CCDC91: variants seen among roughly 807,000 people sequenced by gnomAD.
CCDC91 encodes the protein coiled-coil domain-containing protein 91.
CCDC91 carries 48 observed loss-of-function variants against 63.2 expected under a neutral mutation model. The observed-to-expected ratio is 0.76, with a 90% CI of 0.60 to 0.97. The LOEUF is 0.97. Among genes scored for constraint, CCDC91 ranks in the 50% least tolerant of loss-of-function variants. CCDC91 has a pLI of 0.00. For missense variants in CCDC91, 500 were observed against 494.6 expected (o/e 1.01, Z -0.10); for synonymous variants, 167 against 165.8 (o/e 1.01, Z -0.06).
intron 6 of CCDC91, among the ~76,000 whole-genome samples, chr12:28,323,254 C>T (rs935295654): frequency 3.3e-5 from 5 of 151,402 alleles, no homozygotes; most frequent in East Asian, 3.9e-4. Flanking sequence ...TGTTCAATTC[C>T]GGTCATTTTG....
chr12:28,283,170 T>C (rs1464136828), intron 3 of CCDC91, among the ~76,000 whole-genome samples: 2 of 151,950 alleles, frequency 1.3e-5, no homozygotes, highest in East Asian at 3.9e-4. Flanking sequence ...CCCTTTTGCT[T>C]AGGATTTGTT....
chr12:28,446,063 G>A (rs1285434611), intron 8 of CCDC91, among the ~76,000 whole-genome samples: 1 of 152,104 alleles, frequency 6.6e-6, no homozygotes, highest in East Asian at 1.9e-4. Flanking sequence ...GCAAGGCATG[G>A]GACTAAAAAC....
At chr12:28,308,787 T>C (rs1384884438) in intron 6 of CCDC91, among the ~76,000 whole-genome samples, 2 of 152,050 alleles carry the variant, frequency 1.3e-5, no homozygotes, top group Non-Finnish European at 2.9e-5. Flanking sequence ...CTTTTACATT[T>C]GACAAATTAT....
chr12:28,503,109 T>C (rs922946284), intron 12 of CCDC91, among the ~76,000 whole-genome samples: 1 of 152,140 alleles, frequency 6.6e-6, no homozygotes, highest in African/African-American at 2.4e-5. Flanking sequence ...AAAGAGCTTC[T>C]GCACAGCAAA....
At chr12:28,353,198 C>T (rs993458970) in intron 6 of CCDC91, among the ~76,000 whole-genome samples, 2 of 152,326 alleles carry the variant, frequency 1.3e-5, no homozygotes, top group Non-Finnish European at 2.9e-5. Context: ...CTTTCTCAGC[C>T]TTCACAGAAT....
At chr12:28,204,792 A>C (rs1042200781) in intron 1 of CCDC91, among the ~76,000 whole-genome samples, 4 of 152,328 alleles carry the variant, frequency 2.6e-5, no homozygotes, top group Admixed American at 2.0e-4. Context: ...GGTTTCTAGA[A>C]GTACAGCTAA....
At chr12:28,342,626 AAG>A (rs546607094) in intron 6 of CCDC91, among the ~76,000 whole-genome samples, 19 of 152,134 alleles carry the variant, frequency 1.2e-4, no homozygotes, top group Non-Finnish European at 2.4e-4. Flanking sequence ...GACCAAGTGA[AAG>A]AGAGGCCTTG....
chr12:28,478,307 G>T (rs887033790), intron 11 of CCDC91, among the ~76,000 whole-genome samples: 1 of 151,830 alleles, frequency 6.6e-6, no homozygotes, highest in Non-Finnish European at 1.5e-5. Flanking sequence ...AAATAATGCC[G>T]CATATCTACA....
chr12:28,449,858 C>T (rs1949713973), intron 8 of CCDC91, among the ~76,000 whole-genome samples: 2 of 151,630 alleles, frequency 1.3e-5, no homozygotes, highest in African/African-American at 2.4e-5. Flanking sequence ...AGTAATTTTT[C>T]GAAATTTAAT....
chr12:28,304,686 G>T, intron 3 of CCDC91: 1 of 1,260,818 alleles, frequency 7.9e-7, no homozygotes, highest in Non-Finnish European at 1.0e-6. Context: ...CTTCACTGAA[G>T]TTGCTGATGC....
At chr12:28,479,793 C>G (rs753622746) in intron 11 of CCDC91, among the ~76,000 whole-genome samples, 1 of 151,598 alleles carries the variant, frequency 6.6e-6, no homozygotes, top group Non-Finnish European at 1.5e-5. Flanking sequence ...CTATCCTTTT[C>G]TTTGTTTAGA....
chr12:28,283,189 CT>C (rs1022930156), intron 3 of CCDC91, among the ~76,000 whole-genome samples: 5 of 139,956 alleles, frequency 3.6e-5, no homozygotes, highest in Admixed American at 7.1e-5. Flanking sequence ...TTTCTTTGAG[CT>C]TTTTTTTTGG....
intron 6 of CCDC91, among the ~76,000 whole-genome samples, chr12:28,361,124 T>C (rs1233020709): frequency 6.6e-6 from 1 of 151,666 alleles, no homozygotes; most frequent in Admixed American, 6.6e-5. Context: ...ATGTTGGAAG[T>C]TTTGTGGGTT....
chr12:28,226,021 T>G (rs1944250929), intron 1 of CCDC91: 2 of 152,236 alleles, frequency 1.3e-5, no homozygotes, highest in Non-Finnish European at 2.9e-5. Flanking sequence ...TTTCTGAAGC[T>G]CTGACTTGCA....
chr12:28,501,617 TA>T (rs1937885139), intron 12 of CCDC91, among the ~76,000 whole-genome samples: 1 of 151,032 alleles, frequency 6.6e-6, no homozygotes, highest in Non-Finnish European at 1.5e-5. Context: ...GCCAGTATTT[TA>T]TTGAGGATTT....
intron 6 of CCDC91, among the ~76,000 whole-genome samples, chr12:28,337,764 T>C (rs1409919230): frequency 6.6e-6 from 1 of 152,130 alleles, no homozygotes; most frequent in East Asian, 1.9e-4. Context: ...TGCCTTGGAC[T>C]AAAATATTTT....
intron 1 of CCDC91, among the ~76,000 whole-genome samples, chr12:28,229,230 T>G (rs1055977630): frequency 4.0e-4 from 61 of 152,084 alleles, no homozygotes; most frequent in African/African-American, 1.4e-3. Context: ...TCTTTCAGAC[T>G]GGCTTCTTTC....
At chr12:28,523,789 G>T (rs1309226052) in intron 12 of CCDC91, among the ~76,000 whole-genome samples, 2 of 152,108 alleles carry the variant, frequency 1.3e-5, no homozygotes, top group African/African-American at 2.4e-5. Flanking sequence ...AAATCTCTCA[G>T]CATTTGCTTG....
chr12:28,200,802 A>G (rs1942180498), intron 1 of CCDC91, among the ~76,000 whole-genome samples: 1 of 151,654 alleles, frequency 6.6e-6, no homozygotes, highest in Non-Finnish European at 1.5e-5. Flanking sequence ...CACCTCCCAG[A>G]CGGGGTGGTG....
Sources: gnomAD v4.1 joint callset for allele counts (sites outside exome capture counted in the v4.1 genomes callset) on GRCh38, gnomAD v4.1.1 for gene constraint, MANE v1.5 for transcripts, NCBI Gene and HGNC (gene_info 2026-07-23, HGNC 2026-07-21) for gene names.